Variants in NUBPL observed in about 807,000 individuals in gnomAD.
NUBPL encodes iron-sulfur cluster transfer protein NUBPL.
Under a neutral mutation model 45.7 loss-of-function variants are expected in NUBPL, and 31 were observed. That is an observed-to-expected ratio of 0.68 (90% confidence interval 0.51 to 0.92). The LOEUF (loss-of-function observed/expected upper bound fraction) is 0.92. Ranked by LOEUF, NUBPL falls within the 40% of genes least tolerant of loss-of-function variation. The pLI is 0.00. For synonymous variants in NUBPL, 144 were observed against 140.9 expected, an observed-to-expected ratio of 1.02 and a Z score of -0.15; for missense variants, 401 against 398.7, an observed-to-expected ratio of 1.01 and a Z score of -0.05.
chr14:31,760,120 G>T (rs537438717), intron 6 of NUBPL, among the ~76,000 whole-genome samples: 16 of 28,600 alleles, frequency 5.6e-4, no homozygotes, highest in African/African-American at 1.8e-3. Flanking sequence ...TATTACTTCT[G>T]ACTTTAGTGT....
chr14:31,610,686 A>G (rs2034732654), intron 4 of NUBPL, among the ~76,000 whole-genome samples: 4 of 151,970 alleles, frequency 2.6e-5, no homozygotes, highest in Admixed American at 2.6e-4. Flanking sequence ...AATCCTCAAT[A>G]AAATACTAGG....
intron 4 of NUBPL, chr14:31,654,091 G>T (rs1367601199): frequency 2.2e-6 from 1 of 454,872 alleles, no homozygotes; most frequent in East Asian, 6.9e-5. Context: ...AGATGTTGCA[G>T]GTCTTGTTCC....
At position 31,799,474 on chromosome 14, in the gene NUBPL, G is replaced by A. The variant is rs187278436; in HGVS notation, c.607+11601G>A. Among the ~76,000 whole-genome samples the A allele has an allele frequency of 2.0e-3, 304 of 152,210 alleles. 2 individuals are homozygous for A. The highest frequency in any genetic ancestry group is 7.0e-3 in the African/African-American group (290 of 41,536). Reference sequence around the variant, plus strand: ...TATGCTCCATCTTGTTACATAAAATGGATAACAACCTCATTACAGGTACAC... The same window carrying A: ...TATGCTCCATCTTGTTACATAAAATAGATAACAACCTCATTACAGGTACAC... On this transcript the variant is annotated intron_variant, in intron 7 of 10. Coordinates refer to ENST00000281081, the MANE Select transcript of NUBPL (RefSeq NM_025152.3).
chr14:31,834,486 A>G (rs1031020336), intron 8 of NUBPL, among the ~76,000 whole-genome samples: 11 of 152,050 alleles, frequency 7.2e-5, no homozygotes, highest in African/African-American at 2.7e-4. Flanking sequence ...GCCGGTCTGG[A>G]ACTTTTTAGT....
intron 6 of NUBPL, among the ~76,000 whole-genome samples, chr14:31,734,618 A>G (rs140324582): frequency 1.3e-5 from 2 of 152,182 alleles, no homozygotes; most frequent in African/African-American, 2.4e-5. Context: ...AGTTTCTTCT[A>G]CTTTCTCAAG....
At chr14:31,683,352 C>CT (rs34890900) in intron 6 of NUBPL, among the ~76,000 whole-genome samples, 7,680 of 91,100 alleles carry the variant, frequency 0.084, 902 homozygotes, top group African/African-American at 0.18. Context: ...ATAAAACAAT[C>CT]TTTTTTTTTT....
At chr14:31,718,736 A>T (rs564670126) in intron 6 of NUBPL, among the ~76,000 whole-genome samples, 1 of 152,268 alleles carries the variant, frequency 6.6e-6, no homozygotes, top group African/African-American at 2.4e-5. Flanking sequence ...ATAAATCTAA[A>T]TTTAGAACTT....
chr14:31,700,800 C>T (rs963297335), intron 6 of NUBPL, among the ~76,000 whole-genome samples: 6 of 152,180 alleles, frequency 3.9e-5, no homozygotes, highest in Non-Finnish European at 8.8e-5. Context: ...GGCTCAGGAC[C>T]TGCAGCCTGC....
intron 4 of NUBPL, among the ~76,000 whole-genome samples, chr14:31,662,548 C>G (rs2036298520): frequency 6.6e-6 from 1 of 152,090 alleles, no homozygotes; most frequent in South Asian, 2.1e-4. Context: ...TCAACTACCA[C>G]TTATGATTGA....
intron 6 of NUBPL, among the ~76,000 whole-genome samples, chr14:31,701,822 G>A (rs987888936): frequency 3.3e-5 from 5 of 152,182 alleles, no homozygotes; most frequent in African/African-American, 7.2e-5. Flanking sequence ...CAGTGAGACC[G>A]AGAACCCACC....
chr14:31,842,758 T>C (rs945720906), intron 8 of NUBPL, among the ~76,000 whole-genome samples: 1 of 152,192 alleles, frequency 6.6e-6, no homozygotes, highest in Non-Finnish European at 1.5e-5. Flanking sequence ...CTTTCAGTTA[T>C]ACATCCTTAT....
At chr14:31,565,100 T>C in intron 3 of NUBPL, 52 bp downstream of exon 3, 1 of 1,059,416 alleles carries the variant, frequency 9.4e-7, no homozygotes, top group Non-Finnish European at 1.4e-6. Context: ...TTTAAGGCAA[T>C]GATAAAGAGC....
At chr14:31,695,999 T>C (rs1216881593) in intron 6 of NUBPL, among the ~76,000 whole-genome samples, 3 of 152,214 alleles carry the variant, frequency 2.0e-5, no homozygotes, top group Non-Finnish European at 4.4e-5. Context: ...GGTAATTTTA[T>C]CAAGAAAGCA....
chr14:31,750,615 T>G (rs1389532866), intron 6 of NUBPL, among the ~76,000 whole-genome samples: 1 of 152,206 alleles, frequency 6.6e-6, no homozygotes, highest in Admixed American at 6.5e-5. Flanking sequence ...TTATCATTCT[T>G]CTTTTGTCCC....
chr14:31,812,628 T>C (rs1389311427), intron 7 of NUBPL, among the ~76,000 whole-genome samples: 2 of 152,136 alleles, frequency 1.3e-5, no homozygotes, highest in African/African-American at 4.8e-5. Context: ...CCACTTGCCC[T>C]CCTTGGCCTG....
intron 10 of NUBPL, among the ~76,000 whole-genome samples, chr14:31,852,154 A>T (rs1317099691): frequency 6.6e-6 from 1 of 152,222 alleles, no homozygotes; most frequent in Non-Finnish European, 1.5e-5. Context: ...CTCTCCATCT[A>T]TAAATTGATG....
chr14:31,686,459 G>A (rs1224578897), intron 6 of NUBPL, among the ~76,000 whole-genome samples: 1 of 152,166 alleles, frequency 6.6e-6, no homozygotes, highest in Non-Finnish European at 1.5e-5. Context: ...AGGGATATTA[G>A]AAACTTAGGC....
intron 3 of NUBPL, among the ~76,000 whole-genome samples, chr14:31,592,425 T>A (rs1220228061): frequency 6.6e-6 from 1 of 152,146 alleles, no homozygotes; most frequent in Non-Finnish European, 1.5e-5. Context: ...AATAACACAA[T>A]CTGACTTATG....
intron 8 of NUBPL, among the ~76,000 whole-genome samples, chr14:31,830,392 C>T (rs1434148160): frequency 6.6e-6 from 1 of 152,154 alleles, no homozygotes; most frequent in African/African-American, 2.4e-5. Flanking sequence ...TTCTGAGATG[C>T]ATGAAAACAC....
Sources: gnomAD v4.1 joint callset for allele counts (sites outside exome capture counted in the v4.1 genomes callset) on GRCh38, gnomAD v4.1.1 for gene constraint, MANE v1.5 for transcripts, NCBI Gene and HGNC (gene_info 2026-07-23, HGNC 2026-07-21) for gene names.